The following RANBP9 variants were observed in gnomAD, a reference collection of about 807,000 sequenced individuals.
RANBP9 encodes RAN binding protein 9.
A neutral mutation model predicts 84.3 loss-of-function variants in RANBP9; 15 were observed. The observed-to-expected ratio is 0.18, with a 90% CI of 0.12 to 0.27. RANBP9 has a LOEUF of 0.27. RANBP9 is among the 10% of genes least tolerant of loss of function. The pLI is 1.00. For missense variants in RANBP9, 809 were observed against 912.8 expected, an observed-to-expected ratio of 0.89 and a Z score of 1.46; for synonymous variants, 392 against 349.6, an observed-to-expected ratio of 1.12 and a Z score of -1.35.
chr6:13,667,918 A>G (rs1414157406), intron 2 of RANBP9, among the ~76,000 whole-genome samples: 1 of 152,150 alleles, frequency 6.6e-6, no homozygotes, highest in Admixed American at 6.5e-5. Flanking sequence ...AAAAAGAAAG[A>G]TCTCTAATTA....
chr6:13,627,164 A>G (rs1024158773), intron 12 of RANBP9, among the ~76,000 whole-genome samples: 1 of 152,242 alleles, frequency 6.6e-6, no homozygotes, highest in Admixed American at 6.5e-5. Context: ...CAGGAAGATA[A>G]TTCATATGCC....
intron 1 of RANBP9, among the ~76,000 whole-genome samples, chr6:13,705,677 C>A (rs536729298): frequency 6.7e-6 from 1 of 150,360 alleles, no homozygotes; most frequent in Non-Finnish European, 1.5e-5. Flanking sequence ...CTGACTAACT[C>A]GGTGAAACCC....
intron 1 of RANBP9, among the ~76,000 whole-genome samples, chr6:13,699,255 T>C (rs1481428844): frequency 6.6e-6 from 1 of 152,202 alleles, no homozygotes; most frequent in Non-Finnish European, 1.5e-5. Context: ...GTTATAAATC[T>C]TCAAGGATCC....
chr6:13,634,513 T>C lies in RANBP9; in HGVS notation c.1713A>G (p.Gly571=). 3 of 1,612,728 alleles carry C rather than the reference T, an allele frequency of 1.9e-6. No individual in the cohort carries two copies. The highest frequency in any genetic ancestry group is 2.5e-6 in the Non-Finnish European group (3 of 1,178,878). Residue 571 remains glycine (G), a synonymous_variant, in exon 11 of 14, where the codon GGA becomes GGG. Coordinates refer to ENST00000011619, the MANE Select transcript of RANBP9 (RefSeq NM_005493.3). ...VDMETDHYSN[G]VGETSSNGFL... ...AACCATTGGATGAAGTTTCTCCAACTCCATTGGAGTAGTGATCTGTTTCCA... is the reference window on the plus strand; with the variant it reads ...AACCATTGGATGAAGTTTCTCCAACCCCATTGGAGTAGTGATCTGTTTCCA...
intron 3 of RANBP9, 90 bp from the exon 4 acceptor site, chr6:13,657,366 T>A: frequency 1.0e-6 from 1 of 990,622 alleles, no homozygotes; most frequent in Non-Finnish European, 1.4e-6. Context: ...ATCAGAACAG[T>A]ACAAGATAAT....
intron 12 of RANBP9, among the ~76,000 whole-genome samples, chr6:13,626,364 T>C (rs187062976): frequency 1.3e-5 from 2 of 152,360 alleles, no homozygotes; most frequent in African/African-American, 4.8e-5. Flanking sequence ...GTCTTCTTTC[T>C]ATGGGAGGCA....
intron 2 of RANBP9, among the ~76,000 whole-genome samples, chr6:13,677,441 G>A (rs928189201): frequency 6.6e-6 from 1 of 152,112 alleles, no homozygotes; most frequent in Non-Finnish European, 1.5e-5. Flanking sequence ...ATGTATATAA[G>A]TTACTGACAC....
chr6:13,696,041 G>A lies in RANBP9; in HGVS notation c.683+744C>T, dbSNP rs371345949. Reference sequence around the variant, plus strand: ...AATAAAGTTATCAGGAAATACTATAGGATAGATCCAATGATTCTAGGTAAT... The same window carrying A: ...AATAAAGTTATCAGGAAATACTATAAGATAGATCCAATGATTCTAGGTAAT... On this transcript the variant is annotated intron_variant, in intron 2 of 13. Coordinates refer to ENST00000011619, the MANE Select transcript of RANBP9 (RefSeq NM_005493.3). Among the ~76,000 whole-genome samples, 4 of 151,288 alleles carry A rather than the reference G, an allele frequency of 2.6e-5. No individual in the cohort carries two copies. The South Asian group carries it at 8.3e-4, about 31-fold the overall frequency.
chr6:13,688,807 C>A (rs1018567238), intron 2 of RANBP9, among the ~76,000 whole-genome samples: 1 of 151,680 alleles, frequency 6.6e-6, no homozygotes, highest in Non-Finnish European at 1.5e-5. Flanking sequence ...ATCCTCTCCC[C>A]ACTTTGTATT....
rs563837235 is a variant in RANBP9, at chr6:13,683,476, A to T, written c.683+13309T>A. On this transcript the variant is annotated intron_variant, in intron 2 of 13. Transcript: ENST00000011619. ...TTCCTGAATTTTCAATTAAATTTAT[A>T]TTAAAGTGAAAGTATAAGAACTGGT... Among the ~76,000 whole-genome samples the T allele has an allele frequency of 3.9e-5, 6 of 152,304 alleles. No homozygotes were observed. In the South Asian group the frequency reaches 1.2e-3, roughly 32 times the overall value.
intron 2 of RANBP9, among the ~76,000 whole-genome samples, chr6:13,682,832 G>A (rs989653410): frequency 1.3e-5 from 2 of 152,102 alleles, no homozygotes; most frequent in Middle Eastern, 3.2e-3. Flanking sequence ...TAAAATGAGA[G>A]ACTTTAAAAC....
intron 9 of RANBP9, among the ~76,000 whole-genome samples, chr6:13,639,254 C>A (rs891820575): frequency 9.2e-5 from 14 of 152,226 alleles, no homozygotes; most frequent in Non-Finnish European, 1.8e-4. Context: ...TCTCAGCTCA[C>A]TGCAACCTCT....
intron 8 of RANBP9, 50 bp downstream of exon 8, chr6:13,641,149 C>A: frequency 1.7e-6 from 2 of 1,147,036 alleles, no homozygotes; most frequent in South Asian, 1.9e-5. Context: ...CATAACTTGA[C>A]AAATATTTAT....
chr6:13,671,758 A>C (rs1453860692), intron 2 of RANBP9, among the ~76,000 whole-genome samples: 1 of 152,174 alleles, frequency 6.6e-6, no homozygotes, highest in Non-Finnish European at 1.5e-5. Context: ...TTAAAGGGTG[A>C]ATATGTACAT....
Position 13,637,899 on chromosome 6 carries a change from G to A in RANBP9, c.1582C>T (p.His528Tyr). The A allele has an allele frequency of 6.2e-7, 1 of 1,608,876 alleles. No homozygotes were observed. The highest frequency in any genetic ancestry group is 8.5e-7 in the Non-Finnish European group (1 of 1,175,718). Residue 528 changes from histidine to tyrosine, a missense_variant, in exon 10 of 14, where the codon CAT (histidine) becomes TAT (tyrosine). Physicochemically the swap from His to Tyr is moderately conservative, Grantham distance 83. Around this residue, in one of 5 missense-constraint regions of RANBP9, gnomAD observed 216 missense variants for 329.0 expected, o/e 0.66. Transcript: ENST00000011619. ...TTGGATGACTGGTGTTTATTACTAT[G>A]GCAATATGATTGATGTGCTTTATTT... is the stretch of plus-strand genomic sequence containing the variant. Reference protein sequence around the residue: ...ISNKAHQSYCHSNKHQSSNLN... With the variant: ...ISNKAHQSYCYSNKHQSSNLN...
At chr6:13,638,833 G>A (rs1764999385) in intron 9 of RANBP9, among the ~76,000 whole-genome samples, 1 of 152,040 alleles carries the variant, frequency 6.6e-6, no homozygotes, top group South Asian at 2.1e-4. Flanking sequence ...ACTTTTGCAA[G>A]AGGCTTGGTT....
At chr6:13,647,626 A>T (rs1765201133) in intron 5 of RANBP9, among the ~76,000 whole-genome samples, 1 of 152,206 alleles carries the variant, frequency 6.6e-6, no homozygotes, top group Non-Finnish European at 1.5e-5. Context: ...AAGGATATAT[A>T]TTCAAGTTAA....
At chr6:13,694,946 G>A (rs978349408) in intron 2 of RANBP9, among the ~76,000 whole-genome samples, 5 of 152,258 alleles carry the variant, frequency 3.3e-5, no homozygotes, top group South Asian at 2.1e-4. Flanking sequence ...TATCAACTGC[G>A]ATGCTGGTTA....
At chr6:13,699,155 C>A (rs566306948) in intron 1 of RANBP9, among the ~76,000 whole-genome samples, 10 of 152,184 alleles carry the variant, frequency 6.6e-5, no homozygotes, top group Non-Finnish European at 1.3e-4. Flanking sequence ...ATATACCCAG[C>A]CCCAAATTGG....
Sources: gnomAD v4.1 joint callset for allele counts (sites outside exome capture counted in the v4.1 genomes callset) on GRCh38, gnomAD v4.1.1 for gene constraint, gnomAD v4.1.1 regional missense constraint, MANE v1.5 for transcripts, NCBI Gene and HGNC (gene_info 2026-07-23, HGNC 2026-07-21) for gene names.